The following SPOCK1 variants were observed in gnomAD, a reference collection of about 807,000 sequenced individuals.
The protein encoded by SPOCK1 is testican-1.
In SPOCK1, 23 loss-of-function variants were observed where a neutral mutation model predicts 55.3. The ratio of observed to expected loss-of-function variants is 0.42; its 90% confidence interval spans 0.30 to 0.59. The LOEUF (loss-of-function observed/expected upper bound fraction) is 0.59, where lower values mean the gene tolerates loss of function less well. Ranked by LOEUF, SPOCK1 falls within the 20% of genes least tolerant of loss-of-function variation. SPOCK1 has a pLI of 0.22. For synonymous variants in SPOCK1, 226 were observed against 221.0 expected (o/e 1.02, Z -0.20); for missense variants, 499 against 552.5 (o/e 0.90, Z 0.97).
intron 2 of SPOCK1, among the ~76,000 whole-genome samples, chr5:137,332,069 C>T (rs909621640): frequency 6.6e-6 from 1 of 152,198 alleles, no homozygotes; most frequent in African/African-American, 2.4e-5. Flanking sequence ...GCCTGCAAGG[C>T]CCCAGGTGGT....
chr5:137,313,911 C>A (rs143255446), intron 2 of SPOCK1, among the ~76,000 whole-genome samples: 2 of 149,188 alleles, frequency 1.3e-5, no homozygotes, highest in African/African-American at 4.9e-5. Context: ...AACTGACATA[C>A]GCTCACAACA....
At chr5:137,089,086 G>A (rs906783585) in intron 5 of SPOCK1, among the ~76,000 whole-genome samples, 4 of 152,142 alleles carry the variant, frequency 2.6e-5, no homozygotes. Context: ...GGACTAGAAC[G>A]GGGAGCTAGC....
chr5:137,086,135 C>T (rs780911962), intron 5 of SPOCK1, among the ~76,000 whole-genome samples: 4 of 152,214 alleles, frequency 2.6e-5, no homozygotes, highest in Non-Finnish European at 5.9e-5. Flanking sequence ...AGGCAAAGCA[C>T]ACCTGACCCT....
chr5:137,447,736 C>A (rs993490865), intron 2 of SPOCK1, among the ~76,000 whole-genome samples: 9 of 152,090 alleles, frequency 5.9e-5, no homozygotes, highest in Non-Finnish European at 1.2e-4. Flanking sequence ...AACCTATCAC[C>A]ATACCTATAA....
At position 137,378,385 on chromosome 5, in the gene SPOCK1, G is replaced by A. The variant is rs563110474; in HGVS notation, c.187-111330C>T. On this transcript the variant is annotated intron_variant, in intron 2 of 10. Transcript: ENST00000394945. ...GGAGGTAAGAAAGAAGTGGCATTGG[G>A]GATACAGGTAGGACAGGCATAACAA... 3.3e-5 allele frequency among the ~76,000 whole-genome samples: 5 copies of A among 152,344 alleles called. No individual in the cohort carries two copies. In the South Asian group the frequency reaches 1.0e-3, roughly 32 times the overall value.
At chr5:137,148,396 C>T (rs576035715) in intron 3 of SPOCK1, among the ~76,000 whole-genome samples, 1 of 152,326 alleles carries the variant, frequency 6.6e-6, no homozygotes, top group East Asian at 1.9e-4. Flanking sequence ...AAATGTGTGT[C>T]ATAAAATCAA....
intron 2 of SPOCK1, among the ~76,000 whole-genome samples, chr5:137,335,347 G>T (rs999246984): frequency 2.0e-5 from 3 of 152,168 alleles, no homozygotes; most frequent in African/African-American, 7.2e-5. Context: ...GGCTTCAGAG[G>T]AATAAGAGAA....
intron 2 of SPOCK1, among the ~76,000 whole-genome samples, chr5:137,439,485 TA>T (rs1752943604): frequency 2.6e-5 from 4 of 152,108 alleles, no homozygotes; most frequent in African/African-American, 9.7e-5. Flanking sequence ...GTGAGGGGGC[TA>T]AAGTAAAAAG....
intron 2 of SPOCK1, among the ~76,000 whole-genome samples, chr5:137,460,629 G>A (rs138728926): frequency 6.6e-6 from 1 of 152,170 alleles, no homozygotes. Context: ...AAGTTGCAAA[G>A]ACTCTCCAAG....
chr5:137,378,979 T>C (rs766080503), intron 2 of SPOCK1, among the ~76,000 whole-genome samples: 1 of 152,090 alleles, frequency 6.6e-6, no homozygotes, highest in Non-Finnish European at 1.5e-5. Flanking sequence ...CTCCACGGGG[T>C]TGGCTGTTTG....
At position 137,200,003 on chromosome 5, in the gene SPOCK1, C is replaced by G. The variant is rs114286094; in HGVS notation, c.233-59309G>C. On this transcript the variant is annotated intron_variant, in intron 3 of 10. Transcript: ENST00000394945. ...TCTTCTCGCCTCTGGCATCACCACT[C>G]TGGCCCAAGCCCCTAGTGCCCTGAG... 5.7e-3 allele frequency among the ~76,000 whole-genome samples: 870 copies of G among 152,358 alleles called. 10 individuals carry two copies. Among genetic ancestry groups the G allele is most frequent in the African/African-American group, 0.02 (816 of 41,584 alleles).
rs571197193 is a variant in SPOCK1, at chr5:137,325,859, A to T, written c.187-58804T>A. On this transcript the variant is annotated intron_variant, in intron 2 of 10. Transcript: ENST00000394945. ...AGTCATATTTGGGCCAAGGGCTAAA[A>T]TAAAGAGAAAGCCACACAGACATGT... is the stretch of plus-strand genomic sequence containing the variant. Among the ~76,000 whole-genome samples, 47 of 152,344 alleles carry T rather than the reference A, an allele frequency of 3.1e-4. No homozygotes were observed. In the South Asian group the frequency reaches 9.1e-3, roughly 30 times the overall value.
chr5:137,475,983 T>G (rs1314094417), intron 2 of SPOCK1, among the ~76,000 whole-genome samples: 2 of 152,074 alleles, frequency 1.3e-5, no homozygotes, highest in African/African-American at 4.8e-5. Flanking sequence ...GAGAACACTG[T>G]GTATAGACTT....
intron 6 of SPOCK1, among the ~76,000 whole-genome samples, chr5:137,053,307 G>A (rs1219198150): frequency 6.6e-6 from 1 of 152,088 alleles, no homozygotes; most frequent in Non-Finnish European, 1.5e-5. Flanking sequence ...GCCACCCAGA[G>A]AGTGTAGAGG....
intron 2 of SPOCK1, among the ~76,000 whole-genome samples, chr5:137,416,501 G>A (rs889675337): frequency 6.6e-6 from 1 of 152,078 alleles, no homozygotes; most frequent in Non-Finnish European, 1.5e-5. Flanking sequence ...TAGTTAAGCA[G>A]AGGAGCAAAA....
chr5:137,454,189 G>A (rs1033091785), intron 2 of SPOCK1, among the ~76,000 whole-genome samples: 1 of 152,086 alleles, frequency 6.6e-6, no homozygotes, highest in Non-Finnish European at 1.5e-5. Flanking sequence ...ATAACTTAAG[G>A]TGGCTCATCT....
At chr5:137,498,661 C>A in intron 1 of SPOCK1, 103 bp from the exon 2 acceptor site, 1 of 1,004,790 alleles carries the variant, frequency 1.0e-6, no homozygotes, top group Admixed American at 4.8e-5. Context: ...GGGGACCCCG[C>A]GGCGGGCACG....
chr5:137,253,743 C>T (rs1339853937), intron 3 of SPOCK1, among the ~76,000 whole-genome samples: 1 of 152,200 alleles, frequency 6.6e-6, no homozygotes, highest in Admixed American at 6.5e-5. Flanking sequence ...AAAGCCATCC[C>T]TTTGCAACTC....
chr5:137,309,909 T>G (rs1438501847), intron 2 of SPOCK1, among the ~76,000 whole-genome samples: 1 of 152,216 alleles, frequency 6.6e-6, no homozygotes, highest in Non-Finnish European at 1.5e-5. Context: ...TCACATGTCA[T>G]AGGCATTCTA....
Sources: allele counts gnomAD v4.1 joint callset (sites outside exome capture counted in the v4.1 genomes callset), GRCh38; gene constraint gnomAD v4.1.1; transcripts MANE v1.5; gene names NCBI Gene and HGNC (gene_info 2026-07-23, HGNC 2026-07-21).